PLPPR5: variants seen among roughly 807,000 people sequenced by gnomAD.
PLPPR5 encodes phospholipid phosphatase related 5, also known as phospholipid phosphatase-related protein type 5.
Under a neutral mutation model 33.9 loss-of-function variants are expected in PLPPR5, and 16 were observed. The observed-to-expected ratio is 0.47, with a 90% CI of 0.32 to 0.72. PLPPR5 has a LOEUF of 0.72. PLPPR5 is among the 30% of genes least tolerant of loss of function. The pLI, the probability that PLPPR5 is intolerant of heterozygous loss-of-function variation, is 0.03. For synonymous variants in PLPPR5, 163 were observed against 150.3 expected, an observed-to-expected ratio of 1.08 and a Z score of -0.62; for missense variants, 301 against 406.7, an observed-to-expected ratio of 0.74 and a Z score of 2.23.
chr1:98,940,490 C>T (rs773493438), intron 3 of PLPPR5, among the ~76,000 whole-genome samples: 3 of 151,898 alleles, frequency 2.0e-5, no homozygotes, highest in Non-Finnish European at 2.9e-5. Context: ...GGAGGGAAGA[C>T]AGCTTTTAGC....
intron 2 of PLPPR5, among the ~76,000 whole-genome samples, chr1:98,956,077 G>A (rs1451020141): frequency 6.6e-6 from 1 of 152,050 alleles, no homozygotes; most frequent in African/African-American, 2.4e-5. Context: ...AGTAGTGCAT[G>A]GAGTGCTACA....
intron 5 of PLPPR5, among the ~76,000 whole-genome samples, chr1:98,896,888 C>T (rs890816647): frequency 2.6e-5 from 4 of 151,948 alleles, no homozygotes; most frequent in Admixed American, 6.6e-5. Flanking sequence ...ATTCGTGGCA[C>T]GAAACTTTGG....
At chr1:98,925,769 A>G (rs959709403) in intron 3 of PLPPR5, among the ~76,000 whole-genome samples, 5 of 152,232 alleles carry the variant, frequency 3.3e-5, no homozygotes, top group African/African-American at 1.2e-4. Flanking sequence ...AAGAGGAGGC[A>G]TCTATGGTTA....
chr1:98,962,542 A>G (rs2101230637), intron 1 of PLPPR5, among the ~76,000 whole-genome samples: 1 of 152,270 alleles, frequency 6.6e-6, no homozygotes, highest in Non-Finnish European at 1.5e-5. Flanking sequence ...TTTTTCCTGC[A>G]TTAAAGCATA....
chr1:98,979,902 C>A (rs1265722023), intron 1 of PLPPR5, among the ~76,000 whole-genome samples: 1 of 152,060 alleles, frequency 6.6e-6, no homozygotes, highest in Non-Finnish European at 1.5e-5. Flanking sequence ...TGGTTCCAGG[C>A]TGCCCTCATA....
chr1:98,902,151 T>C (rs1225438370), intron 5 of PLPPR5, among the ~76,000 whole-genome samples: 1 of 152,028 alleles, frequency 6.6e-6, no homozygotes, highest in Non-Finnish European at 1.5e-5. Flanking sequence ...TCACATATTT[T>C]ATATGTGAAG....
chr1:98,906,524 G>A (rs964383178), intron 5 of PLPPR5, among the ~76,000 whole-genome samples: 11 of 151,896 alleles, frequency 7.2e-5, no homozygotes, highest in South Asian at 2.1e-4. Context: ...CAAGAATACC[G>A]GCAGAAACTC....
In PLPPR5 at chr1:98,890,361, A is replaced by G. The variant is rs2101125142; in HGVS notation, c.*2711T>C. 6.6e-6 allele frequency: 1 copy of G among 152,574 alleles called. No individual in the cohort carries two copies. The highest frequency in any genetic ancestry group is 1.5e-5 in the Non-Finnish European group (1 of 67,968). The allele number at this position is 152,574 out of a possible 1,614,324, so 9.5% of individuals were successfully genotyped here. A position where few individuals can be genotyped will look rare whatever the true frequency, so the allele number is the denominator to read the frequency against. On this transcript the variant is annotated 3_prime_UTR_variant, in exon 6 of 6. Transcript: ENST00000263177. Reference sequence around the variant, plus strand: ...AAACTGTATGGTAAATGTAACTGAGATATTTGGCTAGGATAGATCCTGAGA... The same window carrying G: ...AAACTGTATGGTAAATGTAACTGAGGTATTTGGCTAGGATAGATCCTGAGA...
At chr1:98,928,022 C>G (rs562526404) in intron 3 of PLPPR5, among the ~76,000 whole-genome samples, 1 of 152,196 alleles carries the variant, frequency 6.6e-6, no homozygotes, top group Admixed American at 6.5e-5. Flanking sequence ...TTCCTGTTCT[C>G]TCTTGACAAA....
At chr1:98,988,363 A>G (rs146130374) in intron 1 of PLPPR5, among the ~76,000 whole-genome samples, 13 of 152,242 alleles carry the variant, frequency 8.5e-5, no homozygotes, top group Admixed American at 2.0e-4. Context: ...TCTTTATTAT[A>G]AATGGGATAA....
chr1:99,005,671 A>G (rs1034655799), upstream of PLPPR5, among the ~76,000 whole-genome samples: 1 of 152,106 alleles, frequency 6.6e-6, no homozygotes, highest in Admixed American at 6.5e-5. Context: ...GGTAGGAAAA[A>G]GGACTATTTG....
In PLPPR5 at chr1:98,999,940, T is replaced by C. The variant is rs528344115; in HGVS notation, c.237+4495A>G. ...TGGTTGGTGCTGGTTTTCTTTATCT[T>C]TATTCTAGCTTTGTGAAGATGGTGA... On this transcript the variant is annotated intron_variant, in intron 1 of 5. Transcript: ENST00000263177. Among the ~76,000 whole-genome samples the C allele has an allele frequency of 2.0e-5, 3 of 152,182 alleles. No individual in the cohort carries two copies. In the East Asian group the frequency reaches 5.8e-4, roughly 29 times the overall value.
chr1:98,897,121 A>G (rs562187382), intron 5 of PLPPR5, among the ~76,000 whole-genome samples: 21 of 152,304 alleles, frequency 1.4e-4, no homozygotes, highest in African/African-American at 5.1e-4. Context: ...AACAACAACA[A>G]CAGCAACCAA....
rs192105151 is a variant in PLPPR5, at chr1:98,930,897, C to T, written c.622-8839G>A. Reference sequence around the variant, plus strand: ...CACTGAGTCCCCACCCAGCTTCCAACTCTCACTTTACACCCTTTCAAGAAG... The same window carrying T: ...CACTGAGTCCCCACCCAGCTTCCAATTCTCACTTTACACCCTTTCAAGAAG... On this transcript the variant is annotated intron_variant, in intron 3 of 5. Transcript: ENST00000263177. 4.3e-3 allele frequency among the ~76,000 whole-genome samples: 650 copies of T among 152,288 alleles called. 2 individuals are homozygous for T. The highest frequency in any genetic ancestry group is 0.015 in the African/African-American group (613 of 41,566).
chr1:98,947,247 CA>C (rs1343871376), intron 3 of PLPPR5, among the ~76,000 whole-genome samples: 6 of 152,278 alleles, frequency 3.9e-5, no homozygotes, highest in African/African-American at 1.2e-4. Flanking sequence ...GCTGGGAGTA[CA>C]CTAAGTCATT....
chr1:98,891,590 G>C lies in PLPPR5; in HGVS notation c.*1482C>G, dbSNP rs1648276646. ...GGCACTCTGCTGAGTGGGAGGCTGG[G>C]ACCTGGGGGTGAGGGTGGAAGGGGA... On this transcript the variant is annotated 3_prime_UTR_variant, in exon 6 of 6. Transcript: ENST00000263177. 6.6e-6 allele frequency: 1 copy of C among 152,030 alleles called. No individual in the cohort carries two copies. Among genetic ancestry groups the C allele is most frequent in the South Asian group, 2.1e-4 (1 of 4,826 alleles). The allele number at this position is 152,030 out of a possible 1,614,324, so 9.4% of individuals were successfully genotyped here.
chr1:98,916,637 G>A (rs2101154901), intron 4 of PLPPR5, among the ~76,000 whole-genome samples: 1 of 152,280 alleles, frequency 6.6e-6, no homozygotes. Flanking sequence ...TACAAAGATA[G>A]GCAGCAGATC....
chr1:98,952,220 G>A (rs577338200), intron 3 of PLPPR5, among the ~76,000 whole-genome samples: 5 of 142,576 alleles, frequency 3.5e-5, no homozygotes, highest in Admixed American at 2.2e-4. Flanking sequence ...CTGAGATTGC[G>A]CCACTGCACT....
chr1:98,922,438 G>A (rs309050), intron 3 of PLPPR5, among the ~76,000 whole-genome samples: 112,387 of 151,648 alleles, frequency 0.74, 41,856 homozygotes, highest in East Asian at 0.8. Context: ...GCAGGGGGAA[G>A]CTGTTGAAGT....
Sources: allele counts gnomAD v4.1 joint callset (sites outside exome capture counted in the v4.1 genomes callset), GRCh38; gene constraint gnomAD v4.1.1; transcripts MANE v1.5; gene names NCBI Gene and HGNC (gene_info 2026-07-23, HGNC 2026-07-21).